CDC42BPA: variants seen among roughly 807,000 people sequenced by gnomAD.
CDC42BPA encodes the protein CDC42 binding protein kinase alpha, also known as serine/threonine-protein kinase MRCK alpha.
In CDC42BPA, 80 loss-of-function variants were observed where a neutral mutation model predicts 223.5. That is an observed-to-expected ratio of 0.36 (90% confidence interval 0.30 to 0.43). The LOEUF (loss-of-function observed/expected upper bound fraction) is 0.43, where lower values mean the gene tolerates loss of function less well. Among genes scored for constraint, CDC42BPA ranks in the 20% least tolerant of loss-of-function variants. CDC42BPA has a pLI of 1.00. For missense variants in CDC42BPA, 1,743 were observed against 2,099.9 expected (o/e 0.83, Z 3.32); for synonymous variants, 694 against 718.6 (o/e 0.97, Z 0.55).
intron 7 of CDC42BPA, among the ~76,000 whole-genome samples, chr1:227,147,061 A>G (rs1660830475): frequency 6.6e-6 from 1 of 152,164 alleles, no homozygotes. Flanking sequence ...TATTCTAGTC[A>G]TGATTATACA....
chr1:227,303,367 A>G (rs560753307), intron 1 of CDC42BPA, among the ~76,000 whole-genome samples: 1 of 152,340 alleles, frequency 6.6e-6, no homozygotes, highest in Admixed American at 6.5e-5. Context: ...CTGGGAGCAG[A>G]AGTAAATACA....
intron 2 of CDC42BPA, among the ~76,000 whole-genome samples, chr1:227,225,125 AAG>A (rs1431674988): frequency 6.6e-6 from 1 of 152,206 alleles, no homozygotes; most frequent in African/African-American, 2.4e-5. Flanking sequence ...ACATGGGAAA[AAG>A]ACTAAATATT....
chr1:227,263,190 C>T (rs1270544271), intron 1 of CDC42BPA, among the ~76,000 whole-genome samples: 2 of 152,204 alleles, frequency 1.3e-5, no homozygotes, highest in East Asian at 3.8e-4. Flanking sequence ...CAAGATCGTG[C>T]CACTGCACTC....
At chr1:227,112,480 C>A in intron 13 of CDC42BPA, 58 bp from the exon 14 acceptor site, 1 of 1,290,754 alleles carries the variant, frequency 7.7e-7, no homozygotes, top group South Asian at 1.5e-5. Context: ...CCAAACAAAA[C>A]ATTTATCCCA....
At position 227,119,817 on chromosome 1, in the gene CDC42BPA, T is replaced by A; in HGVS notation, c.1634A>T (p.Glu545Val). Residue 545 changes from glutamate to valine, a missense_variant, in exon 12 of 37, where the codon GAA becomes GTA. Glu to Val is a moderately radical substitution (Grantham distance 121). This residue lies in a region of CDC42BPA where 464 missense variants were observed against 488.0 expected (regional missense o/e 0.95). Coordinates refer to ENST00000366766, the MANE Select transcript of CDC42BPA (RefSeq NM_001394014.1). Reference sequence around the variant, plus strand: ...CACATATTTTACCTTATTTAGATCTTCTCTTTCTTGTTGTAACGTTTTGAT... The same window carrying A: ...CACATATTTTACCTTATTTAGATCTACTCTTTCTTGTTGTAACGTTTTGAT... ...KQIKTLQQEREDLNKELVQAS... is the reference protein window; with the variant it reads ...KQIKTLQQERVDLNKELVQAS... 1.3e-6 allele frequency: 2 copies of A among 1,580,338 alleles called. No individual in the cohort carries two copies. The highest frequency in any genetic ancestry group is 1.7e-6 in the Non-Finnish European group (2 of 1,159,898).
intron 3 of CDC42BPA, among the ~76,000 whole-genome samples, chr1:227,200,159 A>G (rs1032097362): frequency 1.3e-5 from 2 of 152,096 alleles, no homozygotes; most frequent in Non-Finnish European, 2.9e-5. Context: ...GGCCGGGCGC[A>G]GTGGCTCACG....
intron 27 of CDC42BPA, 44 bp from the exon 28 acceptor site, chr1:227,031,558 C>T: frequency 7.5e-6 from 11 of 1,469,742 alleles, no homozygotes; most frequent in South Asian, 1.2e-5. Flanking sequence ...AAAACAGACA[C>T]CCTTTATGCT....
chr1:227,253,950 A>C, intron 2 of CDC42BPA, 114 bp downstream of exon 2: 1 of 722,754 alleles, frequency 1.4e-6, no homozygotes, highest in Non-Finnish European at 2.4e-6. Flanking sequence ...ATCACAACTT[A>C]ACAAATATTG....
chr1:227,273,809 G>A (rs4653813), intron 1 of CDC42BPA, among the ~76,000 whole-genome samples: 1 of 147,578 alleles, frequency 6.8e-6, no homozygotes, highest in Non-Finnish European at 1.5e-5. Flanking sequence ...TCAAAGTTCC[G>A]TAGGAATTCT....
intron 3 of CDC42BPA, among the ~76,000 whole-genome samples, chr1:227,208,736 C>G (rs1222876683): frequency 1.3e-5 from 2 of 151,908 alleles, no homozygotes; most frequent in Non-Finnish European, 2.9e-5. Context: ...GGTACCAGTA[C>G]CATGCTGTTT....
chr1:227,205,017 G>T (rs1477387205), intron 3 of CDC42BPA, among the ~76,000 whole-genome samples: 10 of 152,044 alleles, frequency 6.6e-5, no homozygotes, highest in Admixed American at 6.6e-4. Context: ...CCAGCACTGT[G>T]GGGGGCTGAG....
intron 2 of CDC42BPA, among the ~76,000 whole-genome samples, chr1:227,229,461 C>G (rs1007866959): frequency 3.9e-5 from 6 of 152,122 alleles, no homozygotes; most frequent in Non-Finnish European, 8.8e-5. Flanking sequence ...CAACTTTGCT[C>G]TTTTTCAAAA....
intron 2 of CDC42BPA, among the ~76,000 whole-genome samples, chr1:227,250,199 T>A (rs1256223079): frequency 6.6e-6 from 1 of 151,956 alleles, no homozygotes; most frequent in Non-Finnish European, 1.5e-5. Flanking sequence ...AAAATAATAA[T>A]AATAAGGCCA....
chr1:227,144,523 C>T (rs1219620340), intron 8 of CDC42BPA, among the ~76,000 whole-genome samples: 1 of 118,950 alleles, frequency 8.4e-6, no homozygotes, highest in Admixed American at 1.2e-4. Flanking sequence ...TGCAATGAGC[C>T]GAGATTGTGC....
Position 226,994,778 on chromosome 1 carries a change from C to G in CDC42BPA, c.5133+45G>C, listed in dbSNP as rs1328889427. ...TGGTGGGATTGCCTGGGAAGATGCC[C>G]TAGTCTTTCTGATACATGACGTCTC... On this transcript the variant is annotated intron_variant, in intron 36 of 36. Coordinates refer to ENST00000366766, the MANE Select transcript of CDC42BPA (RefSeq NM_001394014.1). This position sits in a 1 kb window ranked among gnomAD's most constrained non-coding sequence, Gnocchi z 4.0. The G allele has an allele frequency of 1.4e-5, 22 of 1,553,140 alleles. No individual in the cohort carries two copies. Among genetic ancestry groups the G allele is most frequent in the Non-Finnish European group, 1.9e-5 (22 of 1,145,926 alleles).
chr1:227,008,280 T>C (rs1664483424), intron 34 of CDC42BPA, among the ~76,000 whole-genome samples: 1 of 152,166 alleles, frequency 6.6e-6, no homozygotes, highest in Non-Finnish European at 1.5e-5. Flanking sequence ...TAGTTAATAT[T>C]GATTTGAAGT....
rs1680531678 is a variant in CDC42BPA, at chr1:227,081,094, G to A, written c.2356-77C>T. On this transcript the variant is annotated intron_variant, in intron 16 of 36. Transcript: ENST00000366766. ...TGTTCAGACAGGTATTGTCAAATTT[G>A]ATTACTCAACATCATCTACCCAAAA... 8.2e-6 allele frequency: 12 copies of A among 1,455,350 alleles called. No homozygotes were observed. In the South Asian group the frequency reaches 1.3e-4, roughly 16 times the overall value. 90.2% of individuals were successfully genotyped at this position (1,455,350 alleles called of 1,614,324 possible).
chr1:227,246,898 G>A (rs1572612985), intron 2 of CDC42BPA, among the ~76,000 whole-genome samples: 1 of 152,120 alleles, frequency 6.6e-6, no homozygotes, highest in South Asian at 2.1e-4. Flanking sequence ...TTCAGACACA[G>A]AATTCAAAAT....
In CDC42BPA at chr1:227,081,004, T is replaced by C. The variant is rs34943764; in HGVS notation, c.2369A>G (p.Tyr790Cys). Residue 790 changes from tyrosine to cysteine, a missense_variant, in exon 17 of 37, where the codon TAT becomes TGT. By Grantham distance (194) the Tyr-to-Cys change is radical. Transcript: ENST00000366766. ...CTGGTTGTGTATACTTAAGTTCTCA[T>C]ACAAAGTAGTAAGCTGAAAGATAGT... Reference protein sequence around the residue: ...TSELDKLTTLYENLSIHNQQL... With the variant: ...TSELDKLTTLCENLSIHNQQL... 815 of 1,613,550 alleles carry C rather than the reference T, an allele frequency of 5.1e-4. 10 individuals carry two copies. The East Asian group carries it at 0.015, about 30-fold the overall frequency.
Sources: gnomAD v4.1 joint callset for allele counts (sites outside exome capture counted in the v4.1 genomes callset) on GRCh38, gnomAD v4.1.1 for gene constraint, gnomAD v4.1.1 regional missense constraint, Gnocchi (gnomAD v3.1) non-coding constraint, MANE v1.5 for transcripts, NCBI Gene and HGNC (gene_info 2026-07-23, HGNC 2026-07-21) for gene names.